KCNB2: variants seen among roughly 807,000 people sequenced by gnomAD.
KCNB2 encodes potassium voltage-gated channel subfamily B member 2, also known as delayed rectifier potassium channel protein.
Under a neutral mutation model 61.5 loss-of-function variants are expected in KCNB2, and 15 were observed. That is an observed-to-expected ratio of 0.24 (90% CI 0.16 to 0.38). The LOEUF (loss-of-function observed/expected upper bound fraction) is 0.38, where lower values mean the gene tolerates loss of function less well. Among genes scored for constraint, KCNB2 ranks in the 10% least tolerant of loss-of-function variants. The probability of loss-of-function intolerance (pLI) is 1.00; values close to 1 mark genes in which losing one functional copy is unlikely to be tolerated. For missense variants in KCNB2, 828 were observed against 1,125.2 expected, an observed-to-expected ratio of 0.74 and a Z score of 3.78; for synonymous variants, 457 against 446.0, an observed-to-expected ratio of 1.02 and a Z score of -0.31.
Position 72,917,215 on chromosome 8 carries a change from A to G in KCNB2, c.580-18720A>G, listed in dbSNP as rs529100265. On this transcript the variant is annotated intron_variant, in intron 2 of 2. Transcript: ENST00000523207. ...ACTAAAGTTGAGAAATGATTTAAAG[A>G]GTGAATAAATCAAAGTGAAATAAAC... Among the ~76,000 whole-genome samples, 13 of 152,346 alleles carry G rather than the reference A, an allele frequency of 8.5e-5. No homozygotes were observed. The South Asian group carries it at 2.5e-3, about 29-fold the overall frequency.
chr8:72,874,429 ACAGT>A (rs1422985838), intron 2 of KCNB2, among the ~76,000 whole-genome samples: 1 of 152,130 alleles, frequency 6.6e-6, no homozygotes, highest in African/African-American at 2.4e-5. Context: ...CAGCATCTGG[ACAGT>A]CAGTGAGTCT....
intron 2 of KCNB2, among the ~76,000 whole-genome samples, chr8:72,929,664 T>C (rs1187925529): frequency 1.3e-5 from 2 of 152,198 alleles, no homozygotes; most frequent in African/African-American, 4.8e-5. Context: ...AGACAGAGAA[T>C]CACCAAATGT....
chr8:72,651,625 T>C (rs983408270), intron 2 of KCNB2, among the ~76,000 whole-genome samples: 1 of 152,148 alleles, frequency 6.6e-6, no homozygotes, highest in Non-Finnish European at 1.5e-5. Flanking sequence ...TCATCCACTA[T>C]AAATTTTACT....
At chr8:72,905,219 G>T (rs1806156861) in intron 2 of KCNB2, among the ~76,000 whole-genome samples, 1 of 152,158 alleles carries the variant, frequency 6.6e-6, no homozygotes, top group South Asian at 2.1e-4. Flanking sequence ...ACCGCAGACT[G>T]AGTGAGCCAA....
intron 2 of KCNB2, among the ~76,000 whole-genome samples, chr8:72,800,729 G>A (rs112109793): frequency 0.026 from 3,942 of 152,234 alleles, 112 homozygotes; most frequent in African/African-American, 0.067. Flanking sequence ...AGGGCAAGGA[G>A]GCAATTGGCT....
intron 2 of KCNB2, among the ~76,000 whole-genome samples, chr8:72,894,471 A>C (rs531601822): frequency 2.0e-5 from 3 of 151,338 alleles, no homozygotes; most frequent in Non-Finnish European, 2.9e-5. Context: ...TTAAGTTTTA[A>C]AAGTTTAAGT....
chr8:72,642,212 T>A (rs1295195393), intron 2 of KCNB2, among the ~76,000 whole-genome samples: 4 of 152,150 alleles, frequency 2.6e-5, no homozygotes, highest in Non-Finnish European at 5.9e-5. Flanking sequence ...AAACTTAATG[T>A]AAAAGGAGAA....
At position 72,937,868 on chromosome 8, in the gene KCNB2, C is replaced by CTTCTCT; in HGVS notation, c.2514_2515insTCTCTT (p.Ser839_Asp840insLeuSer). Reference sequence around the variant, plus strand: ...AGCCCAAATTGCTTTGCAGATAAGCCTAGTGATGGGAGAGACCCTTTAAGA... The same window carrying CTTCTCT: ...AGCCCAAATTGCTTTGCAGATAAGCCTTCTCTTAGTGATGGGAGAGACCCTTTAAGA... On this transcript the variant is annotated inframe_insertion, in exon 3 of 3. Transcript: ENST00000523207. 1 of 1,614,086 alleles carries CTTCTCT rather than the reference C, an allele frequency of 6.2e-7. No individual in the cohort carries two copies. Among genetic ancestry groups the CTTCTCT allele is most frequent in the Non-Finnish European group, 8.5e-7 (1 of 1,180,002 alleles).
At chr8:72,751,425 A>G (rs1194596982) in intron 2 of KCNB2, 1 of 152,200 alleles carries the variant, frequency 6.6e-6, no homozygotes, top group African/African-American at 2.4e-5. Flanking sequence ...TTCATAGCTA[A>G]AAGTGATAGA....
chr8:72,655,119 A>C (rs1212766266), intron 2 of KCNB2, among the ~76,000 whole-genome samples: 1 of 152,202 alleles, frequency 6.6e-6, no homozygotes, highest in East Asian at 1.9e-4. Flanking sequence ...ACAGCTATAA[A>C]AAAGCATGAG....
Position 72,585,163 on chromosome 8 carries a change from G to GT in KCNB2, c.579+16850_579+16851insT, listed in dbSNP as rs573037479. 2.1e-4 allele frequency among the ~76,000 whole-genome samples: 32 copies of GT among 152,152 alleles called. 1 individual carries two copies. The South Asian group carries it at 3.7e-3, about 18-fold the overall frequency. On this transcript the variant is annotated intron_variant, in intron 2 of 2. Transcript: ENST00000523207. ...GGCAAATAGGGAGCACTAAATAAGG[G>GT]GTTTTTTTTTGTTGTTATTGTTAGT...
chr8:72,907,124 CA>C (rs1306454765), intron 2 of KCNB2, among the ~76,000 whole-genome samples: 2 of 152,022 alleles, frequency 1.3e-5, no homozygotes, highest in African/African-American at 4.8e-5. Flanking sequence ...TTTGGGAGGC[CA>C]AGGGAGGTGG....
intron 2 of KCNB2, among the ~76,000 whole-genome samples, chr8:72,802,824 G>A (rs1427239361): frequency 6.6e-6 from 1 of 152,098 alleles, no homozygotes; most frequent in Non-Finnish European, 1.5e-5. Context: ...CCCAGGATAA[G>A]CAATAATGAC....
chr8:72,891,022 A>G (rs1805888635), intron 2 of KCNB2, among the ~76,000 whole-genome samples: 4 of 152,202 alleles, frequency 2.6e-5, no homozygotes, highest in African/African-American at 7.2e-5. Flanking sequence ...AAAGTTACAT[A>G]AGCGAAGACT....
chr8:72,614,719 C>A (rs1205298866), intron 2 of KCNB2, among the ~76,000 whole-genome samples: 1 of 152,116 alleles, frequency 6.6e-6, no homozygotes, highest in East Asian at 1.9e-4. Context: ...AAGTCTTTGT[C>A]TCCCTTCCGT....
At chr8:72,813,645 C>T (rs577797195) in intron 2 of KCNB2, among the ~76,000 whole-genome samples, 1 of 152,168 alleles carries the variant, frequency 6.6e-6, no homozygotes, top group Admixed American at 6.5e-5. Context: ...TTCTCTGCCC[C>T]CAGAAAGTTT....
At chr8:72,891,252 A>G (rs990232953) in intron 2 of KCNB2, among the ~76,000 whole-genome samples, 3 of 152,208 alleles carry the variant, frequency 2.0e-5, no homozygotes, top group African/African-American at 7.2e-5. Flanking sequence ...GATTGTGGTC[A>G]TATATCATCA....
intron 2 of KCNB2, among the ~76,000 whole-genome samples, chr8:72,598,776 C>A (rs1563534650): frequency 6.6e-6 from 1 of 152,114 alleles, no homozygotes; most frequent in Non-Finnish European, 1.5e-5. Context: ...AATCAATGTG[C>A]AAAAATCACA....
intron 2 of KCNB2, among the ~76,000 whole-genome samples, chr8:72,841,315 A>G (rs1300714734): frequency 1.6e-4 from 6 of 36,420 alleles, no homozygotes; most frequent in Non-Finnish European, 7.5e-4. Context: ...GCCCTGTAGT[A>G]TAGTTTGAGT....
Sources: gnomAD v4.1 joint callset for allele counts (sites outside exome capture counted in the v4.1 genomes callset) on GRCh38, gnomAD v4.1.1 for gene constraint, MANE v1.5 for transcripts, NCBI Gene and HGNC (gene_info 2026-07-23, HGNC 2026-07-21) for gene names.